The following CDH26 variants were observed in gnomAD, a reference collection of about 807,000 sequenced individuals.
The protein encoded by CDH26 is cadherin 26.
CDH26 carries 83 observed loss-of-function variants against 90.3 expected under a neutral mutation model. The ratio of observed to expected loss-of-function variants is 0.92; its 90% CI spans 0.77 to 1.10. The LOEUF (loss-of-function observed/expected upper bound fraction) is 1.10, where lower values mean the gene tolerates loss of function less well. Ranked by LOEUF, CDH26 falls within the 50% of genes least tolerant of loss-of-function variation. The probability of loss-of-function intolerance (pLI) is 0.00; values close to 1 mark genes in which losing one functional copy is unlikely to be tolerated. For missense variants in CDH26, 1,013 were observed against 1,037.6 expected, an observed-to-expected ratio of 0.98 and a Z score of 0.33; for synonymous variants, 397 against 396.3, an observed-to-expected ratio of 1.00 and a Z score of -0.02.
intron 10 of CDH26, 38 bp from the exon 11 acceptor site, chr20:59,994,212 C>A (rs1359502158): frequency 6.2e-6 from 10 of 1,612,422 alleles, no homozygotes; most frequent in Non-Finnish European, 8.5e-6. Flanking sequence ...TGTGTGTGCA[C>A]GAGATAAACA....
chr20:60,017,984 T>C (rs2061919634), downstream of CDH26, among the ~76,000 whole-genome samples: 1 of 152,116 alleles, frequency 6.6e-6, no homozygotes, highest in African/African-American at 2.4e-5. Flanking sequence ...TTATATAATT[T>C]TGATTTTTAA....
intron 4 of CDH26, among the ~76,000 whole-genome samples, chr20:59,976,462 A>G (rs2061329460): frequency 6.6e-6 from 1 of 152,248 alleles, no homozygotes; most frequent in Non-Finnish European, 1.5e-5. Flanking sequence ...TAAATGAAAT[A>G]TAAAATAATA....
chr20:59,975,944 T>G (rs1004815818), intron 4 of CDH26, among the ~76,000 whole-genome samples: 2 of 152,162 alleles, frequency 1.3e-5, no homozygotes, highest in Non-Finnish European at 2.9e-5. Flanking sequence ...ACTGTAAGAT[T>G]TGAGACAGAG....
At chr20:60,032,961 C>T (rs2062053598) in intron 8 of CDH26, among the ~76,000 whole-genome samples, 1 of 151,594 alleles carries the variant, frequency 6.6e-6, no homozygotes, top group African/African-American at 2.4e-5. Flanking sequence ...AACTAACCTG[C>T]ACAATGTGCA....
At chr20:60,025,590 G>A (rs1392328443) in intron 7 of CDH26, among the ~76,000 whole-genome samples, 1 of 152,234 alleles carries the variant, frequency 6.6e-6, no homozygotes, top group Non-Finnish European at 1.5e-5. Context: ...TGGGCTGGGA[G>A]CAGGTGTGGT....
intron 15 of CDH26, among the ~76,000 whole-genome samples, chr20:60,001,888 G>A (rs939294231): frequency 1.3e-5 from 2 of 152,144 alleles, no homozygotes; most frequent in African/African-American, 2.4e-5. Flanking sequence ...AATAATTTTA[G>A]ACTAAATAGA....
chr20:59,973,749 A>G (rs759709194), intron 4 of CDH26, among the ~76,000 whole-genome samples: 33 of 152,216 alleles, frequency 2.2e-4, no homozygotes, highest in Non-Finnish European at 4.7e-4. Flanking sequence ...GCTGCATAGT[A>G]TTCCATGGTG....
chr20:59,976,568 T>C (rs1037305450), intron 4 of CDH26, among the ~76,000 whole-genome samples: 1 of 152,044 alleles, frequency 6.6e-6, no homozygotes, highest in East Asian at 1.9e-4. Context: ...GAGCAAAGAG[T>C]TGCCAGCACA....
Position 59,960,572 on chromosome 20 carries a change from C to T in CDH26, c.69+1777C>T, listed in dbSNP as rs918489838. Among the ~76,000 whole-genome samples the T allele has an allele frequency of 4.6e-5, 7 of 152,318 alleles. No individual in the cohort carries two copies. In the East Asian group the frequency reaches 5.8e-4, roughly 13 times the overall value. ...AAACCTTACACAAAAAATACTTTTT[C>T]GAAGAAATCTTCCCAGCAACTTTTT... On this transcript the variant is annotated intron_variant, in intron 1 of 17. Coordinates refer to ENST00000348616, the MANE Select transcript of CDH26 (RefSeq NM_177980.4).
intron 4 of CDH26, among the ~76,000 whole-genome samples, chr20:59,979,198 A>ATTTTTTT (rs548400785): frequency 8.1e-6 from 1 of 123,722 alleles, no homozygotes; most frequent in African/African-American, 3.1e-5. Flanking sequence ...TTCTTCTTCT[A>ATTTTTTT]TTTTTTTTTT....
At chr20:59,980,654 A>G (rs2061384832) in intron 4 of CDH26, among the ~76,000 whole-genome samples, 1 of 152,282 alleles carries the variant, frequency 6.6e-6, no homozygotes, top group Non-Finnish European at 1.5e-5. Flanking sequence ...CAGCATATGA[A>G]ATGGAAGTAT....
At chr20:59,964,375 C>G (rs2061118463) in intron 1 of CDH26, among the ~76,000 whole-genome samples, 2 of 152,192 alleles carry the variant, frequency 1.3e-5, no homozygotes, top group African/African-American at 4.8e-5. Flanking sequence ...GCCTGGCCCC[C>G]TCTGATAAAG....
intron 17 of CDH26, among the ~76,000 whole-genome samples, chr20:60,011,094 G>A (rs967327699): frequency 4.6e-5 from 7 of 152,210 alleles, no homozygotes; most frequent in African/African-American, 9.6e-5. Context: ...GCCCCAATGA[G>A]TGGAGATAGG....
downstream of CDH26, among the ~76,000 whole-genome samples, chr20:60,034,662 G>A (rs2062070400): frequency 1.3e-5 from 2 of 152,322 alleles, no homozygotes; most frequent in Middle Eastern, 3.4e-3. Context: ...CCTTCAGGTG[G>A]GTGTTTCTGC....
intron 7 of CDH26, among the ~76,000 whole-genome samples, chr20:60,022,004 C>T (rs1285062679): frequency 6.6e-6 from 1 of 151,312 alleles, no homozygotes; most frequent in Non-Finnish European, 1.5e-5. Flanking sequence ...TGAAGTACCC[C>T]TGGCATAGGA....
At chr20:60,033,718 T>A in exon 9 of CDH26, 1 of 1,270,600 alleles carries the variant, frequency 7.9e-7, no homozygotes, top group Non-Finnish European at 1.0e-6. Context: ...CTGTTGGCGG[T>A]GAGGGCCTTG....
At position 60,003,013 on chromosome 20, in the gene CDH26, C is replaced by T. The variant is rs6123961; in HGVS notation, c.2220+147C>T. 0.14 allele frequency: 71,304 copies of T among 492,004 alleles called. 6,949 individuals are homozygous for T. The highest frequency in any genetic ancestry group is 0.41 in the East Asian group (12,501 of 30,486). The allele number at this position is 492,004 out of a possible 1,614,324, so 30.5% of individuals were successfully genotyped here. ...ACATCCAAGCAAACTGAAGGAGAAG[C>T]GAACGTGAAGAGAGGTTGGAAGTAG... On this transcript the variant is annotated intron_variant, in intron 16 of 17. Coordinates refer to ENST00000348616, the MANE Select transcript of CDH26 (RefSeq NM_177980.4).
chr20:59,972,001 C>G lies in CDH26; in HGVS notation c.271C>G (p.Leu91Val). Residue 91 changes from leucine to valine, a missense_variant, in exon 4 of 18, where the codon CTA (leucine) becomes GTA (valine). By Grantham distance (32) the Leu-to-Val change is conservative. Coordinates refer to ENST00000348616, the MANE Select transcript of CDH26 (RefSeq NM_177980.4). ...GTCTTATAACATGTCACTAATGTAT[C>G]TAATCAGTGGACCTGGTGTGGATGA... ...NMSYNMSLMY[L>V]ISGPGVDEYP... The G allele has an allele frequency of 6.2e-7, 1 of 1,613,516 alleles. No homozygotes were observed. Among genetic ancestry groups the G allele is most frequent in the Non-Finnish European group, 8.5e-7 (1 of 1,179,500 alleles).
intron 1 of CDH26, among the ~76,000 whole-genome samples, chr20:59,968,066 T>A (rs1225954254): frequency 6.9e-6 from 1 of 145,424 alleles, no homozygotes; most frequent in East Asian, 2.0e-4. Context: ...TCTCTCTCTC[T>A]CTCTCTCCCT....
Sources: gnomAD v4.1 joint callset for allele counts (sites outside exome capture counted in the v4.1 genomes callset) on GRCh38, gnomAD v4.1.1 for gene constraint, MANE v1.5 for transcripts, NCBI Gene and HGNC (gene_info 2026-07-23, HGNC 2026-07-21) for gene names.